The following CHODL variants were observed in gnomAD, a reference collection of about 807,000 sequenced individuals.
CHODL encodes transmembrane protein MT75.
A neutral mutation model predicts 34.5 loss-of-function variants in CHODL; 29 were observed. The ratio of observed to expected loss-of-function variants is 0.84; its 90% confidence interval spans 0.63 to 1.15. The LOEUF (loss-of-function observed/expected upper bound fraction) is 1.15. CHODL is among the 50% of genes most tolerant of loss of function. The pLI, the probability that CHODL is intolerant of heterozygous loss-of-function variation, is 0.00. For synonymous variants in CHODL, 125 were observed against 116.1 expected (o/e 1.08, Z -0.49); for missense variants, 332 against 332.5 (o/e 1.00, Z 0.01).
chr21:17,960,975 T>C (rs1366022769), intron 1 of CHODL, among the ~76,000 whole-genome samples: 1 of 152,242 alleles, frequency 6.6e-6, no homozygotes, highest in South Asian at 2.1e-4. Context: ...TTTTAGTTTC[T>C]TTATTTCAAT....
chr21:17,960,531 A>G (rs1440894872), intron 1 of CHODL, among the ~76,000 whole-genome samples: 2 of 152,062 alleles, frequency 1.3e-5, no homozygotes, highest in East Asian at 3.9e-4. Context: ...GATACCATTG[A>G]GTGCTCCTTG....
At chr21:18,062,935 A>C (rs1200038646) in intron 2 of CHODL, among the ~76,000 whole-genome samples, 1 of 152,100 alleles carries the variant, frequency 6.6e-6, no homozygotes, top group East Asian at 1.9e-4. Context: ...TTTTTAAAAA[A>C]CCATCAATTC....
chr21:18,192,990 A>T (rs940694476), intron 2 of CHODL, among the ~76,000 whole-genome samples: 2 of 152,212 alleles, frequency 1.3e-5, no homozygotes, highest in Non-Finnish European at 2.9e-5. Flanking sequence ...TTTATACCAC[A>T]TAGCATTGCT....
At chr21:18,084,537 G>A (rs2064980028) in intron 2 of CHODL, among the ~76,000 whole-genome samples, 1 of 152,050 alleles carries the variant, frequency 6.6e-6, no homozygotes, top group African/African-American at 2.4e-5. Context: ...TGATCATTCA[G>A]GAAAATAATG....
chr21:17,962,896 TACTAAAA>T (rs2063542207), intron 1 of CHODL, among the ~76,000 whole-genome samples: 1 of 151,930 alleles, frequency 6.6e-6, no homozygotes. Flanking sequence ...AACCTGTCTC[TACTAAAA>T]ACACAAAAAA....
intron 1 of CHODL, among the ~76,000 whole-genome samples, chr21:17,955,977 A>C (rs2063491402): frequency 7.3e-6 from 1 of 137,178 alleles, no homozygotes; most frequent in Non-Finnish European, 1.7e-5. Flanking sequence ...GAAGAAAAAG[A>C]TTTTGAGGAG....
intron 1 of CHODL, among the ~76,000 whole-genome samples, chr21:18,256,274 C>T (rs908188514): frequency 2.0e-5 from 3 of 152,118 alleles, no homozygotes; most frequent in South Asian, 2.1e-4. Context: ...CCCTTACAAA[C>T]CTTGCTTGAA....
At chr21:17,992,718 GTT>G (rs869044440) in intron 1 of CHODL, among the ~76,000 whole-genome samples, 1 of 57,228 alleles carries the variant, frequency 1.7e-5, no homozygotes, top group African/African-American at 6.5e-5. Context: ...TGGTGGAGTT[GTT>G]TTTTTTTTTT....
In CHODL at chr21:18,257,079, G is replaced by T. The variant is rs1352633622; in HGVS notation, c.499G>T (p.Asp167Tyr). 2 of 1,613,772 alleles carry T rather than the reference G, an allele frequency of 1.2e-6. No individual in the cohort carries two copies. Among genetic ancestry groups the T allele is most frequent in the East Asian group, 2.2e-5 (1 of 44,894 alleles). ...LGGPYLYQWNDDRCNMKHNYI... is the reference protein window; with the variant it reads ...LGGPYLYQWNYDRCNMKHNYI... ...GGGTCCCTACCTTTACCAGTGGAAT[G>T]ATGACAGGTGTAACATGAAGCACAA... The change falls in exon 3 of 6, where the codon GAT (aspartate) becomes TAT (tyrosine). Residue 167 changes from aspartate (D) to tyrosine (Y), a missense_variant. Physicochemically the swap from Asp to Tyr is radical, Grantham distance 160. Coordinates refer to ENST00000299295, the MANE Select transcript of CHODL (RefSeq NM_024944.3).
At chr21:18,094,564 T>C (rs1198541377) in intron 2 of CHODL, among the ~76,000 whole-genome samples, 1 of 152,132 alleles carries the variant, frequency 6.6e-6, no homozygotes, top group African/African-American at 2.4e-5. Flanking sequence ...TTGGAAATGA[T>C]GAAAACACAT....
At chr21:18,170,282 A>G (rs1307905804) in intron 2 of CHODL, among the ~76,000 whole-genome samples, 2 of 151,700 alleles carry the variant, frequency 1.3e-5, no homozygotes, top group Admixed American at 1.3e-4. Context: ...ATATTTTTTC[A>G]TCTTTTATTT....
chr21:18,168,288 AC>A (rs2073182832), intron 2 of CHODL, among the ~76,000 whole-genome samples: 1 of 152,182 alleles, frequency 6.6e-6, no homozygotes, highest in South Asian at 2.1e-4. Flanking sequence ...TTTTATGTGT[AC>A]AACTATCCTA....
At chr21:18,238,358 A>C (rs907405897) in intron 2 of CHODL, among the ~76,000 whole-genome samples, 2 of 152,108 alleles carry the variant, frequency 1.3e-5, no homozygotes, top group African/African-American at 4.8e-5. Flanking sequence ...GGCAAAAGGC[A>C]CTTCTTACAT....
At chr21:18,086,042 T>C (rs956016491) in intron 2 of CHODL, among the ~76,000 whole-genome samples, 1 of 40,876 alleles carries the variant, frequency 2.4e-5, no homozygotes, top group Non-Finnish European at 3.6e-5. Context: ...GACTTTGTTC[T>C]TTTTTTTTTT....
At position 18,142,218 on chromosome 21, in the gene CHODL, C is replaced by T. The variant is rs185749209; in HGVS notation, c.-45+114247C>T. On this transcript the variant is annotated intron_variant, in intron 2 of 6. Transcript: ENST00000400127. ...TGGAATTTTAGTTCCAGCATTGTCC[C>T]GGGAGAGAGATGCAACACTTGAGGG... 4.5e-3 allele frequency among the ~76,000 whole-genome samples: 651 copies of T among 145,332 alleles called. 6 individuals carry two copies. The highest frequency in any genetic ancestry group is 0.018 in the African/African-American group (623 of 35,314).
rs535401571 is a variant in CHODL at position 18,212,681 on chromosome 21, A to C, written c.-44-43828A>C. Among the ~76,000 whole-genome samples the C allele has an allele frequency of 7.9e-5, 12 of 152,234 alleles. No homozygotes were observed. The South Asian group carries it at 2.5e-3, about 32-fold the overall frequency. ...ACTGGGACAATATTTAATACCTGAA[A>C]TTTAATCAGGAAAAGTTTTATAGAA... is the stretch of plus-strand genomic sequence containing the variant. On this transcript the variant is annotated intron_variant, in intron 2 of 6. Coordinates refer to the CHODL transcript ENST00000400127.
At chr21:18,002,431 TTC>T (rs1332966131) in intron 1 of CHODL, among the ~76,000 whole-genome samples, 1 of 152,216 alleles carries the variant, frequency 6.6e-6, no homozygotes, top group African/African-American at 2.4e-5. Context: ...TCAAACATAC[TTC>T]TCTCTTTAAT....
chr21:18,028,239 C>T (rs1348669415), intron 2 of CHODL, among the ~76,000 whole-genome samples: 5 of 115,404 alleles, frequency 4.3e-5, no homozygotes, highest in South Asian at 3.4e-4. Context: ...CCTCCCCTTC[C>T]CCTTCCCCTT....
At chr21:18,131,268 G>T (rs188445325) in intron 2 of CHODL, among the ~76,000 whole-genome samples, 1 of 152,182 alleles carries the variant, frequency 6.6e-6, no homozygotes, top group Non-Finnish European at 1.5e-5. Flanking sequence ...AATGGCCCCA[G>T]CTTCCTACAT....
Sources: allele counts gnomAD v4.1 joint callset (sites outside exome capture counted in the v4.1 genomes callset), GRCh38; gene constraint gnomAD v4.1.1; transcripts MANE v1.5; gene names NCBI Gene and HGNC (gene_info 2026-07-23, HGNC 2026-07-21).